Variants in C12orf42 observed in about 807,000 individuals in gnomAD.
C12orf42 encodes uncharacterized protein C12orf42.
A neutral mutation model predicts 21.6 loss-of-function variants in C12orf42; 25 were observed. The observed-to-expected ratio is 1.16, with a 90% confidence interval of 0.84 to 1.62. C12orf42 has a LOEUF of 1.62. C12orf42 is among the 40% of genes most tolerant of loss of function. The pLI is 0.00. For missense variants in C12orf42, 483 were observed against 459.3 expected (o/e 1.05, Z -0.47); for synonymous variants, 174 against 175.0 (o/e 0.99, Z 0.05).
chr12:103,231,902 T>C, the C12orf42 span, among the ~76,000 whole-genome samples: 2 of 152,244 alleles, frequency 1.3e-5, no homozygotes, highest in Non-Finnish European at 2.9e-5. Context: ...TCTTCCAAAG[T>C]GGCTGTACCC....
the C12orf42 span, among the ~76,000 whole-genome samples, chr12:103,210,639 CTTTTT>C: frequency 2.2e-4 from 17 of 77,678 alleles, no homozygotes; most frequent in African/African-American, 6.8e-4. Context: ...CCCTCTATTT[CTTTTT>C]TTTTTTTTTT....
downstream of C12orf42, among the ~76,000 whole-genome samples, chr12:103,232,799 G>T (rs1045359070): frequency 6.6e-6 from 1 of 151,990 alleles, no homozygotes; most frequent in Non-Finnish European, 1.5e-5. Flanking sequence ...AAGGTGTAAG[G>T]TCTGCGTCTA....
At chr12:103,214,277 T>C in the C12orf42 span, among the ~76,000 whole-genome samples, 153 of 152,326 alleles carry the variant, frequency 1.0e-3, no homozygotes, top group Non-Finnish European at 1.9e-3. Context: ...AGTCCATTAG[T>C]ACAAGTCTGT....
At chr12:103,049,232 G>A in the C12orf42 span, among the ~76,000 whole-genome samples, 17 of 152,008 alleles carry the variant, frequency 1.1e-4, no homozygotes, top group Non-Finnish European at 1.6e-4. Context: ...TTCCAAATCC[G>A]CTCCTCTCAT....
At chr12:103,130,859 A>G in the C12orf42 span, among the ~76,000 whole-genome samples, 1 of 152,216 alleles carries the variant, frequency 6.6e-6, no homozygotes, top group South Asian at 2.1e-4. Context: ...GCAGCTGAAG[A>G]AAACCTGAGT....
the C12orf42 span, among the ~76,000 whole-genome samples, chr12:103,166,403 C>T: frequency 1.3e-5 from 2 of 152,156 alleles, no homozygotes. Context: ...GAATGAGACA[C>T]TCTAATAAAT....
the C12orf42 span, among the ~76,000 whole-genome samples, chr12:103,525,827 A>G: frequency 6.6e-6 from 1 of 152,172 alleles, no homozygotes; most frequent in East Asian, 1.9e-4. Context: ...CAGGAATTCA[A>G]GACCAGCCTG....
downstream of C12orf42, chr12:103,268,210 A>G (rs2035265746): frequency 6.6e-6 from 1 of 151,900 alleles, no homozygotes; most frequent in African/African-American, 2.4e-5. Context: ...ACGCAATTAA[A>G]TTATTGTTTT....
At chr12:103,150,256 A>G in the C12orf42 span, among the ~76,000 whole-genome samples, 1 of 152,210 alleles carries the variant, frequency 6.6e-6, no homozygotes, top group African/African-American at 2.4e-5. Flanking sequence ...TAGGGATACA[A>G]ATATAAAGTA....
the C12orf42 span, among the ~76,000 whole-genome samples, chr12:103,092,002 C>T: frequency 2.6e-5 from 4 of 152,296 alleles, no homozygotes; most frequent in East Asian, 7.7e-4. Context: ...GGTAACTGAT[C>T]ACAGCACTTG....
At chr12:103,110,890 A>C in the C12orf42 span, among the ~76,000 whole-genome samples, 1 of 152,220 alleles carries the variant, frequency 6.6e-6, no homozygotes, top group East Asian at 1.9e-4. Context: ...GTAAATATGC[A>C]CATAGATTTT....
chr12:103,325,217 G>A (rs1393604144), intron 4 of C12orf42, among the ~76,000 whole-genome samples: 1 of 152,194 alleles, frequency 6.6e-6, no homozygotes, highest in Non-Finnish European at 1.5e-5. Context: ...ACTGGTGTTG[G>A]CAGGCAGGCC....
intron 2 of C12orf42, among the ~76,000 whole-genome samples, chr12:103,466,398 T>C (rs1953132158): frequency 6.6e-6 from 1 of 152,156 alleles, no homozygotes; most frequent in East Asian, 1.9e-4. Context: ...GCCTCTAAGA[T>C]ACTACTTACT....
the C12orf42 span, chr12:103,504,101 A>G: frequency 6.6e-6 from 1 of 152,392 alleles, no homozygotes; most frequent in Non-Finnish European, 1.5e-5. Context: ...CTGCTGGCCA[A>G]GGGGGCGCTC....
chr12:103,504,617 T>C, the C12orf42 span: 2 of 152,502 alleles, frequency 1.3e-5, no homozygotes, highest in Admixed American at 6.5e-5. Context: ...CACCAGCTGA[T>C]TCAGAAGTTG....
the C12orf42 span, among the ~76,000 whole-genome samples, chr12:103,521,711 A>G: frequency 2.0e-5 from 3 of 152,136 alleles, no homozygotes; most frequent in Non-Finnish European, 4.4e-5. Context: ...TAAAAAAGAG[A>G]AACTACCCAC....
chr12:103,151,084 C>T, the C12orf42 span, among the ~76,000 whole-genome samples: 1 of 152,190 alleles, frequency 6.6e-6, no homozygotes, highest in South Asian at 2.1e-4. Context: ...CACGCCACCA[C>T]GACTGACTAA....
intron 2 of C12orf42, among the ~76,000 whole-genome samples, chr12:103,404,091 A>C (rs1452667912): frequency 6.6e-6 from 1 of 152,230 alleles, no homozygotes; most frequent in Non-Finnish European, 1.5e-5. Flanking sequence ...TAGCCCAAGG[A>C]AATCATGTGC....
chr12:103,514,553 C>G, the C12orf42 span, among the ~76,000 whole-genome samples: 7 of 152,092 alleles, frequency 4.6e-5, no homozygotes, highest in Admixed American at 4.6e-4. Flanking sequence ...GCTTCAGGGC[C>G]TTGTAGACAT....
Sources: allele counts gnomAD v4.1 joint callset (sites outside exome capture counted in the v4.1 genomes callset), GRCh38; gene constraint gnomAD v4.1.1; transcripts MANE v1.5; gene names NCBI Gene and HGNC (gene_info 2026-07-23, HGNC 2026-07-21).